Variants in HEATR4 observed in about 807,000 individuals in gnomAD.
HEATR4 encodes HEAT repeat containing 4, also known as HEAT repeat-containing protein 4.
A neutral mutation model predicts 108.8 loss-of-function variants in HEATR4; 95 were observed. The observed-to-expected ratio is 0.87, with a 90% confidence interval of 0.74 to 1.04. The LOEUF is 1.04. Ranked by LOEUF, HEATR4 falls within the 50% of genes least tolerant of loss-of-function variation. The pLI, the probability that HEATR4 is intolerant of heterozygous loss-of-function variation, is 0.00. For missense variants in HEATR4, 1,152 were observed against 1,253.8 expected, an observed-to-expected ratio of 0.92 and a Z score of 1.23; for synonymous variants, 443 against 459.4, an observed-to-expected ratio of 0.96 and a Z score of 0.46.
rs1414451317 is a variant in HEATR4, at chr14:73,492,224, T to A, written c.2844+842A>T. The A allele has an allele frequency of 6.2e-7, 1 of 1,614,008 alleles. No individual in the cohort carries two copies. The highest frequency in any genetic ancestry group is 8.5e-7 in the Non-Finnish European group (1 of 1,179,888). ...AGATTTGCTGTATTTTCCTCGGGGC[T>A]TCATTCACCAAGCTGAATGCCAGGA... is the stretch of plus-strand genomic sequence containing the variant. On this transcript the variant is annotated intron_variant, in intron 17 of 17. Coordinates refer to ENST00000553558, the MANE Select transcript of HEATR4 (RefSeq NM_001220484.1). The surrounding 1 kb of genome is among the most constrained non-coding windows in gnomAD (Gnocchi z 4.9).
the HEATR4 span, among the ~76,000 whole-genome samples, chr14:73,599,462 G>A: frequency 1.3e-5 from 2 of 152,008 alleles, no homozygotes; most frequent in African/African-American, 4.8e-5. Flanking sequence ...AAGTGACACG[G>A]GCTGCGGTAA....
chr14:73,592,444 G>T, the HEATR4 span: 1 of 1,477,990 alleles, frequency 6.8e-7, no homozygotes, highest in South Asian at 1.4e-5. Context: ...CGGGTGGTGT[G>T]AGCGTCAGTG....
At chr14:73,621,071 G>T in the HEATR4 span, among the ~76,000 whole-genome samples, 1 of 151,928 alleles carries the variant, frequency 6.6e-6, no homozygotes, top group Non-Finnish European at 1.5e-5. Flanking sequence ...AAATTAGCCA[G>T]GCAAGGTGGC....
the HEATR4 span, among the ~76,000 whole-genome samples, chr14:73,610,297 T>TC: frequency 6.6e-6 from 1 of 151,270 alleles, no homozygotes; most frequent in East Asian, 2.0e-4. Context: ...TCGCTTTTTT[T>TC]TTTTTTTCTT....
rs140447974 is a variant in HEATR4, at chr14:73,522,760, G to A, written c.393C>T (p.Asp131=). 5.6e-6 allele frequency: 9 copies of A among 1,614,088 alleles called. No homozygotes were observed. In the African/African-American group the frequency reaches 6.7e-5, roughly 12 times the overall value. The change falls in exon 3 of 18, where the codon GAC becomes GAT. Residue 131 remains aspartate (D), a synonymous_variant. Transcript: ENST00000553558. ...FLGSSSPLTG[D]TSLAVKTESS... ...TTTCTGTCTTCACAGCCAGGGAGGT[G>A]TCTCCTGTTAAGGGACTTGAGGAAC...
intron 1 of HEATR4, among the ~76,000 whole-genome samples, chr14:73,545,064 T>C (rs1889211597): frequency 9.6e-6 from 1 of 103,970 alleles, no homozygotes; most frequent in Non-Finnish European, 2.1e-5. Flanking sequence ...TTTTCTTTCC[T>C]TTTTTTTTTT....
chr14:73,521,245 T>G (rs1887961216), intron 3 of HEATR4, among the ~76,000 whole-genome samples: 1 of 152,090 alleles, frequency 6.6e-6, no homozygotes, highest in Admixed American at 6.5e-5. Context: ...TCTACAGCTG[T>G]CCTGCCTGGC....
intron 15 of HEATR4, among the ~76,000 whole-genome samples, chr14:73,495,744 G>C (rs1386189846): frequency 2.6e-5 from 4 of 152,186 alleles, no homozygotes. Flanking sequence ...GCTAAGAATT[G>C]CTTGCTTGAT....
In HEATR4 at chr14:73,536,136, G is replaced by C. The variant is rs182165135; in HGVS notation, c.-151-5892C>G. Reference sequence around the variant, plus strand: ...GGGACATGGGACATGAGAGCATTTGGAAAGAGATAAAAAGGCTTACCTTGA... The same window carrying C: ...GGGACATGGGACATGAGAGCATTTGCAAAGAGATAAAAAGGCTTACCTTGA... On this transcript the variant is annotated intron_variant, in intron 1 of 17. Coordinates refer to ENST00000553558, the MANE Select transcript of HEATR4 (RefSeq NM_001220484.1). Among the ~76,000 whole-genome samples the C allele has an allele frequency of 1.7e-5, 2 of 114,858 alleles. 1 individual carries two copies. Among genetic ancestry groups the C allele is most frequent in the Non-Finnish European group, 3.8e-5 (2 of 52,804 alleles). 75.4% of individuals were successfully genotyped at this position (114,858 alleles called of 152,430 possible). A position where few individuals can be genotyped will look rare whatever the true frequency, so the allele number is the denominator to read the frequency against.
At position 73,524,310 on chromosome 14, in the gene HEATR4, A is replaced by AAAT; in HGVS notation, c.-72-1087_-72-1086insATT. 3.6e-3 allele frequency among the ~76,000 whole-genome samples: 197 copies of AAAT among 54,774 alleles called. 3 individuals carry two copies. The highest frequency in any genetic ancestry group is 4.9e-3 in the African/African-American group (56 of 11,340). The allele number at this position is 54,774 out of a possible 152,430, so 35.9% of individuals were successfully genotyped here. On this transcript the variant is annotated intron_variant, in intron 2 of 17. Transcript: ENST00000553558. ...CTCCGTCTCAAAAAAAAAAAAAAAAAATATATATATATATATATATATATA... is the reference window on the plus strand; with the variant it reads ...CTCCGTCTCAAAAAAAAAAAAAAAAAAATATATATATATATATATATATATATA...
chr14:73,629,066 AAAAG>A, the HEATR4 span, among the ~76,000 whole-genome samples: 2 of 151,814 alleles, frequency 1.3e-5, no homozygotes, highest in Non-Finnish European at 2.9e-5. Flanking sequence ...CAAAAAAAAA[AAAAG>A]AAAGAAAAAA....
chr14:73,583,678 A>C, the HEATR4 span, among the ~76,000 whole-genome samples: 2 of 152,026 alleles, frequency 1.3e-5, no homozygotes, highest in African/African-American at 2.4e-5. Flanking sequence ...GCCAGGGAGA[A>C]GCAACTTCCT....
chr14:73,594,968 G>A, the HEATR4 span: 12 of 1,536,112 alleles, frequency 7.8e-6, no homozygotes, highest in Middle Eastern at 2.4e-4. Context: ...GCCTCGCAGA[G>A]TGTTGGGATT....
the HEATR4 span, among the ~76,000 whole-genome samples, chr14:73,622,122 A>G: frequency 3.9e-4 from 60 of 151,912 alleles, 1 homozygote; most frequent in Admixed American, 1.4e-3. Flanking sequence ...CTCACTCCCA[A>G]GTGGACCTGC....
chr14:73,524,877 C>A (rs185974098), intron 2 of HEATR4, among the ~76,000 whole-genome samples: 7 of 152,108 alleles, frequency 4.6e-5, no homozygotes, highest in Admixed American at 3.3e-4. Flanking sequence ...CCATGCAGAC[C>A]AGATCTGACT....
chr14:73,482,673 T>G (rs1006869451), intron 17 of HEATR4, among the ~76,000 whole-genome samples: 22 of 152,214 alleles, frequency 1.4e-4, no homozygotes, highest in Non-Finnish European at 2.8e-4. Flanking sequence ...CCTTATTTTT[T>G]GAGACAGAGT....
At chr14:73,519,211 C>G (rs1184723164) in intron 4 of HEATR4, 48 bp from the exon 5 acceptor site, 1 of 1,560,674 alleles carries the variant, frequency 6.4e-7, no homozygotes, top group African/African-American at 1.4e-5. Context: ...CTCCCTATTT[C>G]CTTTCTCCCT....
intron 14 of HEATR4, among the ~76,000 whole-genome samples, chr14:73,497,906 G>A (rs920393274): frequency 6.6e-6 from 1 of 152,172 alleles, no homozygotes; most frequent in African/African-American, 2.4e-5. Context: ...GATTACAGGC[G>A]TGAGTCATCA....
rs1032136206 is a variant in HEATR4 at position 73,492,403 on chromosome 14, G to C, written c.2844+663C>G. ...TGCCCCGAGACTTCATGGATTACAT[G>C]GGGGCCCAGCATTCAGATTCTAAGG... is the stretch of plus-strand genomic sequence containing the variant. On this transcript the variant is annotated intron_variant, in intron 17 of 17. Transcript: ENST00000553558. This position sits in a 1 kb window ranked among gnomAD's most constrained non-coding sequence, Gnocchi z 4.9. 8 of 1,613,718 alleles carry C rather than the reference G, an allele frequency of 5.0e-6. No homozygotes were observed. In the African/African-American group the frequency reaches 1.1e-4, roughly 22 times the overall value.
Sources: gnomAD v4.1 joint callset for allele counts (sites outside exome capture counted in the v4.1 genomes callset) on GRCh38, gnomAD v4.1.1 for gene constraint, Gnocchi (gnomAD v3.1) non-coding constraint, MANE v1.5 for transcripts, NCBI Gene and HGNC (gene_info 2026-07-23, HGNC 2026-07-21) for gene names.